Variants in CDKL2 observed in about 807,000 individuals in gnomAD.
CDKL2 encodes cyclin dependent kinase like 2.
In CDKL2, 64 loss-of-function variants were observed where a neutral mutation model predicts 63.9. The observed-to-expected ratio is 1.00, with a 90% CI of 0.82 to 1.23. The LOEUF is 1.23. CDKL2 is among the 50% of genes most tolerant of loss of function. The probability of loss-of-function intolerance (pLI) is 0.00; values close to 1 mark genes in which losing one functional copy is unlikely to be tolerated. For missense variants in CDKL2, 656 were observed against 668.0 expected (o/e 0.98, Z 0.20); for synonymous variants, 211 against 229.2 (o/e 0.92, Z 0.72).
At chr4:75,586,177 G>A (rs1158025285) in intron 12 of CDKL2, among the ~76,000 whole-genome samples, 1 of 151,428 alleles carries the variant, frequency 6.6e-6, no homozygotes, top group African/African-American at 2.4e-5. Context: ...TAATTCATAG[G>A]TGAGAGAAGA....
At chr4:75,616,284 G>A (rs1729922440) in intron 2 of CDKL2, among the ~76,000 whole-genome samples, 1 of 150,714 alleles carries the variant, frequency 6.6e-6, no homozygotes, top group South Asian at 2.1e-4. Flanking sequence ...AGCCTGGGTG[G>A]GGCAGAGTGA....
At chr4:75,591,737 AGCAAACTC>A (rs1728722756) in intron 12 of CDKL2, 74 bp downstream of exon 12, 1 of 905,040 alleles carries the variant, frequency 1.1e-6, no homozygotes. Flanking sequence ...AATTCTTAAG[AGCAAACTC>A]TCCCTAAAAT....
At chr4:75,605,855 A>G (rs1351501731) in intron 4 of CDKL2, among the ~76,000 whole-genome samples, 3 of 152,106 alleles carry the variant, frequency 2.0e-5, no homozygotes, top group Non-Finnish European at 4.4e-5. Flanking sequence ...GGTCCCAAGC[A>G]TTTAGGATAA....
At chr4:75,591,970 T>G in intron 11 of CDKL2, 45 bp from the exon 12 acceptor site, 1 of 1,472,392 alleles carries the variant, frequency 6.8e-7, no homozygotes, top group Admixed American at 2.0e-5. Context: ...TTAGACATTT[T>G]GTTAGTTTTT....
intron 2 of CDKL2, among the ~76,000 whole-genome samples, chr4:75,616,952 C>T (rs891170794): frequency 2.0e-5 from 3 of 151,954 alleles, no homozygotes; most frequent in African/African-American, 4.8e-5. Flanking sequence ...TGGGGCCTAC[C>T]GGAGGGCAAA....
intron 12 of CDKL2, among the ~76,000 whole-genome samples, chr4:75,586,359 G>A (rs1010429101): frequency 4.4e-4 from 67 of 151,938 alleles, no homozygotes; most frequent in Non-Finnish European, 6.9e-4. Context: ...CCGAGTAGCT[G>A]GGACTACAGG....
chr4:75,601,911 T>A (rs1305315905), intron 6 of CDKL2, among the ~76,000 whole-genome samples: 1 of 152,192 alleles, frequency 6.6e-6, no homozygotes, highest in Non-Finnish European at 1.5e-5. Context: ...TAGCCTAGTG[T>A]TTTAGAGGTA....
chr4:75,582,300 T>A (rs969302094), intron 12 of CDKL2, among the ~76,000 whole-genome samples: 1 of 152,138 alleles, frequency 6.6e-6, no homozygotes, highest in Non-Finnish European at 1.5e-5. Context: ...TTGAAATGAA[T>A]GAAGGGATAG....
intron 1 of CDKL2, among the ~76,000 whole-genome samples, chr4:75,627,731 C>CTTTTTTTTTTTTTTTTT (rs57328528): frequency 1.1e-3 from 91 of 85,992 alleles, no homozygotes; most frequent in East Asian, 1.5e-3. Flanking sequence ...CTTTTTTTTT[C>CTTTTTTTTTTTTTTTTT]TTTTTTTTTT....
In CDKL2 at chr4:75,599,548, C is replaced by CAAAAAAAAAAA. The variant is rs71657365; in HGVS notation, c.884+722_884+732dup. Among the ~76,000 whole-genome samples, 85 of 69,584 alleles carry CAAAAAAAAAAA rather than the reference C, an allele frequency of 1.2e-3. 1 individual carries two copies. The highest frequency in any genetic ancestry group is 1.3e-3 in the African/African-American group (24 of 17,806). The allele number at this position is 69,584 out of a possible 152,430, so 45.6% of individuals were successfully genotyped here. On this transcript the variant is annotated intron_variant, in intron 7 of 13. Transcript: ENST00000307465. ...TGCACTCCAGCCTGGGCAACAAGAG[C>CAAAAAAAAAAA]AAAAAAAAAAAAAAAAAAAAAAGAA...
intron 2 of CDKL2, among the ~76,000 whole-genome samples, chr4:75,620,874 G>A (rs571765553): frequency 6.6e-6 from 1 of 151,844 alleles, no homozygotes; most frequent in South Asian, 2.1e-4. Context: ...ATGAATCTTA[G>A]TATATGAAGC....
At chr4:75,613,993 G>A (rs1264165604) in intron 3 of CDKL2, among the ~76,000 whole-genome samples, 1 of 152,144 alleles carries the variant, frequency 6.6e-6, no homozygotes, top group Non-Finnish European at 1.5e-5. Context: ...GGGGGCAGAG[G>A]TTGCAGTGAG....
At chr4:75,590,158 C>A (rs191524933) in intron 12 of CDKL2, among the ~76,000 whole-genome samples, 2 of 152,004 alleles carry the variant, frequency 1.3e-5, no homozygotes, top group African/African-American at 4.8e-5. Flanking sequence ...CACAGCAAAA[C>A]CCTGTCTCAA....
intron 1 of CDKL2, among the ~76,000 whole-genome samples, chr4:75,628,776 C>A (rs1730548718): frequency 6.6e-6 from 1 of 152,080 alleles, no homozygotes; most frequent in Admixed American, 6.5e-5. Context: ...TTTGTTCTAG[C>A]AAACTATGCT....
At position 75,607,252 on chromosome 4, in the gene CDKL2, T is replaced by C. The variant is rs775741674; in HGVS notation, c.473A>G (p.Tyr158Cys). ...ARTLAAPGEV[Y>C]TDYVATRWYR... ...CCATCGGGTTGCCACATAATCAGTATAAACCTCCCCAGGAGCTGCCAATGT... is the reference window on the plus strand; with the variant it reads ...CCATCGGGTTGCCACATAATCAGTACAAACCTCCCCAGGAGCTGCCAATGT... Residue 158 changes from tyrosine (Y) to cysteine (C), a missense_variant, in exon 4 of 14, where the codon TAT becomes TGT. Transcript: ENST00000307465. 2 of 1,614,142 alleles carry C rather than the reference T, an allele frequency of 1.2e-6. No individual in the cohort carries two copies. The highest frequency in any genetic ancestry group is 8.5e-7 in the Non-Finnish European group (1 of 1,179,996).
chr4:75,581,907 T>G lies in CDKL2; in HGVS notation c.1648-9A>C. 2 of 1,592,778 alleles carry G rather than the reference T, an allele frequency of 1.3e-6. No individual in the cohort carries two copies. The highest frequency in any genetic ancestry group is 1.7e-6 in the Non-Finnish European group (2 of 1,161,378). ...AGGGGAGGTCCTGATACCTATAAAT[T>G]AATAATAGAGCATCATAGGTTCTCA... On this transcript the variant is annotated splice_polypyrimidine_tract_variant and intron_variant, in intron 12 of 13. Coordinates refer to ENST00000307465, the MANE Select transcript of CDKL2 (RefSeq NM_001330724.2).
At chr4:75,613,347 T>C (rs527297172) in intron 3 of CDKL2, among the ~76,000 whole-genome samples, 147 of 152,274 alleles carry the variant, frequency 9.7e-4, no homozygotes, top group Middle Eastern at 3.4e-3. Context: ...ATAATAATAA[T>C]AACCGAAAAG....
At position 75,626,000 on chromosome 4, in the gene CDKL2, G is replaced by T. The variant is rs752951091; in HGVS notation, c.-12C>A. 1.9e-6 allele frequency: 3 copies of T among 1,604,502 alleles called. No homozygotes were observed. The South Asian group carries it at 3.4e-5, about 18-fold the overall frequency. On this transcript the variant is annotated 5_prime_UTR_variant, in exon 2 of 14. Coordinates refer to ENST00000307465, the MANE Select transcript of CDKL2 (RefSeq NM_001330724.2). ...TCATATTTTTCCATTTTAATTTAAA[G>T]TCCGTAGAAACTTTTTGCTGTGAAA...
intron 13 of CDKL2, among the ~76,000 whole-genome samples, chr4:75,579,797 T>C (rs1391985346): frequency 6.6e-6 from 1 of 152,238 alleles, no homozygotes; most frequent in Non-Finnish European, 1.5e-5. Context: ...TATGAATTAG[T>C]TGTTCATTGC....
Sources: gnomAD v4.1 joint callset for allele counts (sites outside exome capture counted in the v4.1 genomes callset) on GRCh38, gnomAD v4.1.1 for gene constraint, MANE v1.5 for transcripts, NCBI Gene and HGNC (gene_info 2026-07-23, HGNC 2026-07-21) for gene names.